The following CALCRL variants were observed in gnomAD, a reference collection of about 807,000 sequenced individuals.
CALCRL encodes calcitonin receptor like receptor, also known as calcitonin gene-related peptide type 1 receptor.
CALCRL carries 27 observed loss-of-function variants against 60.4 expected under a neutral mutation model. The ratio of observed to expected loss-of-function variants is 0.45; its 90% CI spans 0.33 to 0.62. CALCRL has a LOEUF of 0.62. Ranked by LOEUF, CALCRL falls within the 20% of genes least tolerant of loss-of-function variation. CALCRL has a pLI of 0.03. For missense variants in CALCRL, 424 were observed against 540.7 expected (o/e 0.78, Z 2.14); for synonymous variants, 190 against 182.6 (o/e 1.04, Z -0.33).
intron 1 of CALCRL, among the ~76,000 whole-genome samples, chr2:187,441,522 C>A (rs554540500): frequency 1.1e-4 from 16 of 151,890 alleles, no homozygotes; most frequent in Non-Finnish European, 1.9e-4. Context: ...CCTTCGACAC[C>A]TAGCATAGGG....
rs1428842461 is a variant in CALCRL at position 187,344,830 on chromosome 2, G to T, written c.*1354C>A. On this transcript the variant is annotated 3_prime_UTR_variant, in exon 15 of 15. Coordinates refer to ENST00000392370, the MANE Select transcript of CALCRL (RefSeq NM_005795.6). ...AAGTCAGTAAAGTAATATTTTAATG[G>T]GGTAAAATCTATAAAAGTAGCAGAT... 6.6e-6 allele frequency: 1 copy of T among 151,480 alleles called. No homozygotes were observed. The highest frequency in any genetic ancestry group is 1.5e-5 in the Non-Finnish European group (1 of 67,658). The allele number at this position is 151,480 out of a possible 1,614,324, so 9.4% of individuals were successfully genotyped here. A position where few individuals can be genotyped will look rare whatever the true frequency, so the allele number is the denominator to read the frequency against.
At chr2:187,360,993 CTACTT>C (rs1687031085) in intron 9 of CALCRL, among the ~76,000 whole-genome samples, 3 of 151,974 alleles carry the variant, frequency 2.0e-5, no homozygotes, top group Admixed American at 2.0e-4. Context: ...ACTTCTAAAT[CTACTT>C]TATTTAGTGA....
intron 8 of CALCRL, among the ~76,000 whole-genome samples, chr2:187,374,896 A>T (rs538204111): frequency 6.6e-6 from 1 of 152,288 alleles, no homozygotes; most frequent in African/African-American, 2.4e-5. Context: ...AAGCAAAATC[A>T]GGCTAAGTCC....
chr2:187,411,792 C>T (rs183967455), intron 1 of CALCRL, among the ~76,000 whole-genome samples: 18 of 151,494 alleles, frequency 1.2e-4, no homozygotes, highest in African/African-American at 2.4e-4. Context: ...GTCAGGAGAT[C>T]GAGACCAGCC....
intron 1 of CALCRL, among the ~76,000 whole-genome samples, chr2:187,433,373 T>C (rs972152834): frequency 3.3e-5 from 5 of 152,104 alleles, no homozygotes; most frequent in Admixed American, 6.6e-5. Context: ...AGAAAATGTA[T>C]TGATGAGTTA....
chr2:187,408,203 G>A (rs1689214246), intron 1 of CALCRL, among the ~76,000 whole-genome samples: 1 of 151,878 alleles, frequency 6.6e-6, no homozygotes, highest in Non-Finnish European at 1.5e-5. Context: ...ACCTTTTCTG[G>A]TTAATTTACT....
intron 5 of CALCRL, among the ~76,000 whole-genome samples, 193 bp from the exon 6 acceptor site, chr2:187,380,980 T>C (rs1283624601): frequency 6.6e-6 from 1 of 151,988 alleles, no homozygotes; most frequent in African/African-American, 2.4e-5. Flanking sequence ...TCAATTAAAT[T>C]CTAAATTAAA....
At chr2:187,419,546 G>A (rs1039120977) in intron 1 of CALCRL, among the ~76,000 whole-genome samples, 1 of 152,150 alleles carries the variant, frequency 6.6e-6, no homozygotes, top group Non-Finnish European at 1.5e-5. Context: ...AATTAATACA[G>A]TTAGCTTGGG....
Position 187,345,859 on chromosome 2 carries a change from A to G in CALCRL, c.*325T>C, listed in dbSNP as rs376050022. 4.5e-5 allele frequency: 9 copies of G among 201,522 alleles called. No homozygotes were observed. The East Asian group carries it at 6.4e-4, about 14-fold the overall frequency. 12.5% of individuals were successfully genotyped at this position (201,522 alleles called of 1,614,324 possible). Reference sequence around the variant, plus strand: ...AGCCATTTGTTTGTGAATTCATGCAATGGTGTGCTGGAACTGGCTTACACC... The same window carrying G: ...AGCCATTTGTTTGTGAATTCATGCAGTGGTGTGCTGGAACTGGCTTACACC... On this transcript the variant is annotated 3_prime_UTR_variant, in exon 15 of 15. Coordinates refer to ENST00000392370, the MANE Select transcript of CALCRL (RefSeq NM_005795.6).
intron 8 of CALCRL, among the ~76,000 whole-genome samples, chr2:187,369,335 C>A (rs1446306198): frequency 6.6e-6 from 1 of 152,078 alleles, no homozygotes; most frequent in Non-Finnish European, 1.5e-5. Context: ...ACCAACCAAA[C>A]AAAAACCTTT....
Position 187,346,200 on chromosome 2 carries a change from T to C in CALCRL, c.1370A>G (p.Glu457Gly). The C allele has an allele frequency of 6.2e-7, 1 of 1,600,842 alleles. No individual in the cohort carries two copies. Among genetic ancestry groups the C allele is most frequent in the Non-Finnish European group, 8.5e-7 (1 of 1,170,146 alleles). The change falls in exon 15 of 15, where the codon GAA becomes GGA. Residue 457 changes from glutamate to glycine, a missense_variant. Coordinates refer to ENST00000392370, the MANE Select transcript of CALCRL (RefSeq NM_005795.6). Reference sequence around the variant, plus strand: ...CTTCTATTTTCAATTATATAAATTTTCTGGTTTTAAGAGAACATTTTCAAT... The same window carrying C: ...CTTCTATTTTCAATTATATAAATTTCCTGGTTTTAAGAGAACATTTTCAAT... ...HDIENVLLKP[E>G]NLYN
At chr2:187,409,249 C>A (rs959532841) in intron 1 of CALCRL, among the ~76,000 whole-genome samples, 1 of 151,954 alleles carries the variant, frequency 6.6e-6, no homozygotes, top group Admixed American at 6.6e-5. Flanking sequence ...TGCTTTGATT[C>A]GGGGAATAAC....
chr2:187,376,547 T>A (rs1687762556), intron 8 of CALCRL, among the ~76,000 whole-genome samples: 1 of 152,176 alleles, frequency 6.6e-6, no homozygotes, highest in Non-Finnish European at 1.5e-5. Context: ...ATCATTTGGC[T>A]TGCAGCATTG....
rs79546381 is a variant in CALCRL at position 187,387,991 on chromosome 2, G to A, written c.-292-235C>T. ...AGATCTATATTATGAGAACACACTTGGTCTAGAAATGTACATATTTTCTAT... is the reference window on the plus strand; with the variant it reads ...AGATCTATATTATGAGAACACACTTAGTCTAGAAATGTACATATTTTCTAT... On this transcript the variant is annotated intron_variant, in intron 1 of 14. Transcript: ENST00000392370. 4.8e-3 allele frequency among the ~76,000 whole-genome samples: 736 copies of A among 151,890 alleles called. 4 individuals are homozygous for A. The highest frequency in any genetic ancestry group is 0.017 in the African/African-American group (686 of 41,476).
chr2:187,414,354 C>A (rs1201484809), intron 1 of CALCRL, among the ~76,000 whole-genome samples: 3 of 152,064 alleles, frequency 2.0e-5, no homozygotes, highest in African/African-American at 7.2e-5. Flanking sequence ...GTCAACCCTA[C>A]TCCATTCTTA....
intron 4 of CALCRL, among the ~76,000 whole-genome samples, chr2:187,384,700 G>A (rs1026660730): frequency 6.6e-6 from 1 of 151,972 alleles, no homozygotes; most frequent in Non-Finnish European, 1.5e-5. Flanking sequence ...TCTGGTTTAG[G>A]TTTTCTGTAT....
In CALCRL at chr2:187,343,079, G is replaced by A. The variant is rs987386337; in HGVS notation, c.*3105C>T. The A allele has an allele frequency of 1.3e-5, 2 of 151,412 alleles. No homozygotes were observed. Among genetic ancestry groups the A allele is most frequent in the African/African-American group, 4.8e-5 (2 of 41,374 alleles). 9.4% of individuals were successfully genotyped at this position (151,412 alleles called of 1,614,324 possible). On this transcript the variant is annotated 3_prime_UTR_variant, in exon 15 of 15. Transcript: ENST00000392370. ...TAAGAAGGAGTTTGCATCCATTGTA[G>A]TATAGTTGGATTTTTTTAGTTTGAA... is the stretch of plus-strand genomic sequence containing the variant.
chr2:187,359,161 AT>A lies in CALCRL; in HGVS notation c.843-33del, dbSNP rs574223372. ...AAAACATAATAACATTATGTTGAAA[AT>A]TTTTATTTTACATTATTCCAGTAGA... On this transcript the variant is annotated intron_variant, in intron 11 of 14. Coordinates refer to ENST00000392370, the MANE Select transcript of CALCRL (RefSeq NM_005795.6). 89 of 1,603,714 alleles carry A rather than the reference AT, an allele frequency of 5.5e-5. No homozygotes were observed. In the African/African-American group the frequency reaches 1.1e-3, roughly 20 times the overall value.
chr2:187,380,727 G>C lies in CALCRL; in HGVS notation c.245C>G (p.Thr82Ser), dbSNP rs996080639. The C allele has an allele frequency of 1.2e-6, 2 of 1,613,944 alleles. No homozygotes were observed. Among genetic ancestry groups the C allele is most frequent in the Non-Finnish European group, 1.7e-6 (2 of 1,179,986 alleles). The change falls in exon 6 of 15, where the codon ACT (threonine) becomes AGT (serine). Residue 82 changes from threonine (T) to serine (S), a missense_variant. This residue lies in a region of CALCRL where 108 missense variants were observed against 132.9 expected (regional missense o/e 0.81). Transcript: ENST00000392370. ...ATCAGGGCAGAGCTGCATTGATTCA[G>C]TTCCTGCTGCAACATCGTTCCAGCA... ...WLCWNDVAAG[T>S]ESMQLCPDYF...
Sources: gnomAD v4.1 joint callset for allele counts (sites outside exome capture counted in the v4.1 genomes callset) on GRCh38, gnomAD v4.1.1 for gene constraint, gnomAD v4.1.1 regional missense constraint, MANE v1.5 for transcripts, NCBI Gene and HGNC (gene_info 2026-07-23, HGNC 2026-07-21) for gene names.